The following IGF1R variants were observed in gnomAD, a reference collection of about 807,000 sequenced individuals.
IGF1R encodes the protein insulin like growth factor 1 receptor, also known as insulin-like growth factor 1 receptor.
In IGF1R, 44 loss-of-function variants were observed where a neutral mutation model predicts 144.6. The observed-to-expected ratio is 0.30, with a 90% confidence interval of 0.24 to 0.39. The LOEUF (loss-of-function observed/expected upper bound fraction) is 0.39, where lower values mean the gene tolerates loss of function less well. Among genes scored for constraint, IGF1R ranks in the 10% least tolerant of loss-of-function variants. The pLI, the probability that IGF1R is intolerant of heterozygous loss-of-function variation, is 1.00. For synonymous variants in IGF1R, 795 were observed against 722.8 expected, an observed-to-expected ratio of 1.10 and a Z score of -1.60; for missense variants, 1,355 against 1,833.7, an observed-to-expected ratio of 0.74 and a Z score of 4.77.
At chr15:98,739,191 G>A (rs1000170485) in intron 2 of IGF1R, among the ~76,000 whole-genome samples, 1 of 152,174 alleles carries the variant, frequency 6.6e-6, no homozygotes, top group Non-Finnish European at 1.5e-5. Context: ...TGGGAACTAT[G>A]CAGAAACATC....
chr15:98,652,927 A>G (rs929741374), intron 1 of IGF1R, among the ~76,000 whole-genome samples: 3 of 138,630 alleles, frequency 2.2e-5, no homozygotes, highest in African/African-American at 8.3e-5. Flanking sequence ...TTATATCTCA[A>G]TAAACCCTTT....
chr15:98,961,808 G>A lies in IGF1R; in HGVS notation c.*4366G>A, dbSNP rs2017237108. 4.3e-6 allele frequency: 1 copy of A among 233,272 alleles called. No homozygotes were observed. The highest frequency in any genetic ancestry group is 8.5e-6 in the Non-Finnish European group (1 of 118,082). The allele number at this position is 233,272 out of a possible 1,614,324, so 14.5% of individuals were successfully genotyped here. A position where few individuals can be genotyped will look rare whatever the true frequency, so the allele number is the denominator to read the frequency against. On this transcript the variant is annotated 3_prime_UTR_variant, in exon 21 of 21. Transcript: ENST00000650285. ...GACGTTTGACATACCTTTGGAACGA[G>A]CCTCCTCCTTGGAAGATGGAAGACC...
rs200954736 is a variant in IGF1R, at chr15:98,891,554, C to T, written c.870C>T (p.Ser290=). The T allele has an allele frequency of 6.2e-7, 1 of 1,610,370 alleles. No individual in the cohort carries two copies. The highest frequency in any genetic ancestry group is 2.2e-5 in the East Asian group (1 of 44,878). Residue 290 remains serine (S), a synonymous_variant, in exon 3 of 21, where the codon AGC becomes AGT. Transcript: ENST00000650285. The surrounding 1 kb of genome is among the most constrained non-coding windows in gnomAD (Gnocchi z 4.7). ...DFCANILSAE[S]SDSEGFVIHD... is the part of the protein sequence containing the mutation. ...GCGCCAACATCCTCAGCGCCGAGAG[C>T]AGCGACTCCGAGGGGTTTGTGATCC...
At chr15:98,866,647 A>G (rs2012464260) in intron 2 of IGF1R, among the ~76,000 whole-genome samples, 1 of 152,202 alleles carries the variant, frequency 6.6e-6, no homozygotes, top group Non-Finnish European at 1.5e-5. Context: ...CAGAATATTC[A>G]TGAGCTTTCC....
chr15:98,940,428 A>C (rs1371607896), intron 18 of IGF1R, among the ~76,000 whole-genome samples: 3 of 152,098 alleles, frequency 2.0e-5, no homozygotes, highest in Non-Finnish European at 4.4e-5. Context: ...TTTGAGACAG[A>C]GTTTTGCTCT....
At position 98,854,369 on chromosome 15, in the gene IGF1R, A is replaced by G. The variant is rs562538203; in HGVS notation, c.641-36956A>G. 2.0e-4 allele frequency among the ~76,000 whole-genome samples: 31 copies of G among 152,318 alleles called. No individual in the cohort carries two copies. In the Middle Eastern group the frequency reaches 0.01, roughly 50 times the overall value. ...GCCTGAGATGAGCACAGTGATGTCT[A>G]TGCGAGGTTGTAGGACTCAGTGAAG... On this transcript the variant is annotated intron_variant, in intron 2 of 20. Coordinates refer to ENST00000650285, the MANE Select transcript of IGF1R (RefSeq NM_000875.5).
chr15:98,862,406 A>C (rs893430317), intron 2 of IGF1R, among the ~76,000 whole-genome samples: 5 of 152,228 alleles, frequency 3.3e-5, no homozygotes, highest in African/African-American at 1.2e-4. Context: ...CTGGAAGACA[A>C]ATCTAAGCTA....
chr15:98,743,116 T>A (rs1267077235), intron 2 of IGF1R, among the ~76,000 whole-genome samples: 1 of 152,208 alleles, frequency 6.6e-6, no homozygotes, highest in Non-Finnish European at 1.5e-5. Context: ...TTTCTACCAG[T>A]GACTAGTCCT....
At chr15:98,653,654 C>T (rs2052420875) in intron 1 of IGF1R, among the ~76,000 whole-genome samples, 2 of 152,164 alleles carry the variant, frequency 1.3e-5, no homozygotes, top group Non-Finnish European at 2.9e-5. Flanking sequence ...TGTTTTGAAA[C>T]TGTGTGCATT....
At chr15:98,722,724 A>G (rs1044640915) in intron 2 of IGF1R, among the ~76,000 whole-genome samples, 1 of 152,150 alleles carries the variant, frequency 6.6e-6, no homozygotes. Context: ...GTGCCTGTTT[A>G]AAAAGCCCCC....
At chr15:98,766,027 G>A (rs1302558386) in intron 2 of IGF1R, among the ~76,000 whole-genome samples, 3 of 152,208 alleles carry the variant, frequency 2.0e-5, no homozygotes, top group African/African-American at 7.2e-5. Context: ...GGCAGGAGGA[G>A]GAAGGTGTTC....
chr15:98,929,930 T>A (rs1393632040), intron 14 of IGF1R, among the ~76,000 whole-genome samples: 1 of 152,256 alleles, frequency 6.6e-6, no homozygotes, highest in East Asian at 1.9e-4. Context: ...CCAAACGCGA[T>A]GCGCTAGCCT....
intron 2 of IGF1R, among the ~76,000 whole-genome samples, chr15:98,727,115 C>G (rs2054380065): frequency 6.6e-6 from 1 of 152,110 alleles, no homozygotes; most frequent in African/African-American, 2.4e-5. Flanking sequence ...AGATTTCTTT[C>G]TTTTTAAAAC....
intron 2 of IGF1R, among the ~76,000 whole-genome samples, chr15:98,751,550 T>A (rs1162639356): frequency 3.9e-5 from 6 of 152,028 alleles, no homozygotes; most frequent in African/African-American, 1.4e-4. Flanking sequence ...GTTTCCCCAT[T>A]GTTGGGCATT....
At chr15:98,669,181 C>T (rs1008384704) in intron 1 of IGF1R, among the ~76,000 whole-genome samples, 3 of 152,120 alleles carry the variant, frequency 2.0e-5, no homozygotes, top group Non-Finnish European at 4.4e-5. Flanking sequence ...GGCTCGGCTC[C>T]GTGCGTGTGC....
chr15:98,867,154 GGAGA>G (rs60863950), intron 2 of IGF1R, among the ~76,000 whole-genome samples: 31,335 of 146,044 alleles, frequency 0.21, 3,692 homozygotes, highest in East Asian at 0.41. Context: ...AGAGAAAGGG[GGAGA>G]GAGAGAGAGA....
chr15:98,922,271 C>G lies in IGF1R; in HGVS notation c.2325C>G (p.Tyr775Ter). 6.2e-7 allele frequency: 1 copy of G among 1,614,188 alleles called. No individual in the cohort carries two copies. Among genetic ancestry groups the G allele is most frequent in the Non-Finnish European group, 8.5e-7 (1 of 1,180,040 alleles). ...ITDPEELETE[Y>*]PFFESRVDNK... ...ACCCGGAAGAGCTGGAGACAGAGTACCCTTTCTTTGAGAGCAGAGTGGATA... is the reference window on the plus strand; with the variant it reads ...ACCCGGAAGAGCTGGAGACAGAGTAGCCTTTCTTTGAGAGCAGAGTGGATA... The change falls in exon 11 of 21, where the codon TAC (tyrosine) becomes TAG (stop). Residue 775 changes from tyrosine (Y) to a stop codon, truncating the protein, a stop_gained. Coordinates refer to ENST00000650285, the MANE Select transcript of IGF1R (RefSeq NM_000875.5). LOFTEE classifies it high-confidence loss of function.
At chr15:98,902,363 T>C (rs914376881) in intron 5 of IGF1R, among the ~76,000 whole-genome samples, 1 of 152,122 alleles carries the variant, frequency 6.6e-6, no homozygotes, top group Non-Finnish European at 1.5e-5. Flanking sequence ...TGCTGCCTAA[T>C]GTTTTAGAGG....
At chr15:98,904,102 C>G (rs867959702) in intron 5 of IGF1R, among the ~76,000 whole-genome samples, 90 of 143,118 alleles carry the variant, frequency 6.3e-4, no homozygotes, top group African/African-American at 2.3e-3. Flanking sequence ...ACCCAGGCTG[C>G]AGTGCAGTGG....
Sources: allele counts gnomAD v4.1 joint callset (sites outside exome capture counted in the v4.1 genomes callset), GRCh38; gene constraint gnomAD v4.1.1; non-coding constraint Gnocchi (gnomAD v3.1); transcripts MANE v1.5; gene names NCBI Gene and HGNC (gene_info 2026-07-23, HGNC 2026-07-21).